The following PTPRK variants were observed in gnomAD, a reference collection of about 807,000 sequenced individuals.
PTPRK encodes receptor-type tyrosine-protein phosphatase kappa.
A neutral mutation model predicts 178.0 loss-of-function variants in PTPRK; 75 were observed. That is an observed-to-expected ratio of 0.42 (90% CI 0.35 to 0.51). The LOEUF is 0.51. PTPRK is among the 20% of genes least tolerant of loss of function. PTPRK has a pLI of 0.02. For missense variants in PTPRK, 1,441 were observed against 1,797.8 expected (o/e 0.80, Z 3.59); for synonymous variants, 637 against 620.6 (o/e 1.03, Z -0.39).
Position 128,520,452 on chromosome 6 carries a change from G to T in PTPRK, c.-94C>A. 8.1e-7 allele frequency: 1 copy of T among 1,237,016 alleles called. No individual in the cohort carries two copies. The highest frequency in any genetic ancestry group is 1.2e-6 in the Non-Finnish European group (1 of 867,184). The allele number at this position is 1,237,016 out of a possible 1,614,324, so 76.6% of individuals were successfully genotyped here. ...ACGGAGGAGCGGGCCGGGCCTCGCG[G>T]GGTGAGGACGGTGAGAGGACAGCCG... On this transcript the variant is annotated 5_prime_UTR_variant, in exon 1 of 30. Transcript: ENST00000368226.
chr6:128,463,739 CGG>C (rs918256945), intron 1 of PTPRK, among the ~76,000 whole-genome samples: 1 of 137,580 alleles, frequency 7.3e-6, no homozygotes, highest in African/African-American at 2.8e-5. Flanking sequence ...TCAATCTTCA[CGG>C]TTTTTTTTTT....
chr6:128,195,075 TA>T (rs1007374258), intron 6 of PTPRK, among the ~76,000 whole-genome samples: 19 of 152,178 alleles, frequency 1.2e-4, no homozygotes, highest in South Asian at 1.2e-3. Context: ...ATATATAGTT[TA>T]AAAAAATTAT....
intron 2 of PTPRK, among the ~76,000 whole-genome samples, chr6:128,364,321 C>T (rs565598314): frequency 2.6e-5 from 4 of 151,956 alleles, no homozygotes; most frequent in African/African-American, 7.2e-5. Flanking sequence ...TAAAAGCAAA[C>T]GGCATTCAAA....
At chr6:128,246,851 A>C (rs775835039) in intron 3 of PTPRK, among the ~76,000 whole-genome samples, 7 of 152,244 alleles carry the variant, frequency 4.6e-5, no homozygotes, top group African/African-American at 7.2e-5. Flanking sequence ...ACTGAAGGTG[A>C]TGATTCTAAT....
intron 7 of PTPRK, among the ~76,000 whole-genome samples, chr6:128,154,311 A>G (rs769765139): frequency 7.2e-5 from 11 of 151,830 alleles, no homozygotes; most frequent in Non-Finnish European, 1.5e-4. Flanking sequence ...TAGCATCAGA[A>G]TGGCAATAGC....
chr6:128,379,618 T>C (rs1837594460), intron 2 of PTPRK, among the ~76,000 whole-genome samples: 1 of 152,234 alleles, frequency 6.6e-6, no homozygotes, highest in Non-Finnish European at 1.5e-5. Context: ...AAGAAGTTCT[T>C]TGGCAGAAAT....
intron 21 of PTPRK, among the ~76,000 whole-genome samples, chr6:127,990,313 C>T (rs1776460072): frequency 6.6e-6 from 1 of 152,118 alleles, no homozygotes; most frequent in Non-Finnish European, 1.5e-5. Context: ...ACTCTCCCCT[C>T]TGTCAGAAAC....
intron 1 of PTPRK, among the ~76,000 whole-genome samples, chr6:128,475,054 G>T (rs571916061): frequency 6.6e-6 from 1 of 152,038 alleles, no homozygotes; most frequent in Non-Finnish European, 1.5e-5. Flanking sequence ...TGCCTTTGTG[G>T]GAAGCTAAGA....
At chr6:128,358,199 T>C (rs1834209910) in intron 2 of PTPRK, among the ~76,000 whole-genome samples, 1 of 152,222 alleles carries the variant, frequency 6.6e-6, no homozygotes. Context: ...CCAATTCCAT[T>C]TGACTTATAA....
Position 128,519,262 on chromosome 6 carries a change from G to A in PTPRK, c.100+997C>T, listed in dbSNP as rs1858598774. On this transcript the variant is annotated intron_variant, in intron 1 of 29. Coordinates refer to ENST00000368226, the MANE Select transcript of PTPRK (RefSeq NM_002844.4). The surrounding 1 kb of genome is among the most constrained non-coding windows in gnomAD (Gnocchi z 4.3). ...GCCCCCAGAGGAGAGAACGAAAGAA[G>A]CAACCAACCTACACGAAGGATAACA... is the stretch of plus-strand genomic sequence containing the variant. 5.3e-6 allele frequency: 2 copies of A among 378,450 alleles called. No individual in the cohort carries two copies. The highest frequency in any genetic ancestry group is 1.0e-5 in the Non-Finnish European group (2 of 193,040). 23.4% of individuals were successfully genotyped at this position (378,450 alleles called of 1,614,324 possible).
chr6:128,164,622 T>C (rs1562706648), intron 7 of PTPRK, among the ~76,000 whole-genome samples: 2 of 151,300 alleles, frequency 1.3e-5, no homozygotes, highest in Non-Finnish European at 3.0e-5. Context: ...AAATCTTAAA[T>C]TAATTTCTCC....
intron 3 of PTPRK, among the ~76,000 whole-genome samples, chr6:128,307,035 T>C (rs1185181541): frequency 6.6e-6 from 1 of 151,720 alleles, no homozygotes; most frequent in African/African-American, 2.4e-5. Flanking sequence ...GCCAGTTAGA[T>C]GTAGGGGGAG....
At chr6:128,384,331 C>G (rs947533567) in intron 2 of PTPRK, among the ~76,000 whole-genome samples, 3 of 151,984 alleles carry the variant, frequency 2.0e-5, no homozygotes. Context: ...TATTTCTCAA[C>G]ATATAACTTA....
intron 5 of PTPRK, among the ~76,000 whole-genome samples, chr6:128,228,734 T>C (rs1368069279): frequency 6.6e-6 from 1 of 150,746 alleles, no homozygotes; most frequent in African/African-American, 2.4e-5. Flanking sequence ...ATAAACTACA[T>C]AATGAAAGAA....
intron 2 of PTPRK, among the ~76,000 whole-genome samples, chr6:128,379,886 T>C (rs896825241): frequency 6.6e-6 from 1 of 152,164 alleles, no homozygotes; most frequent in Non-Finnish European, 1.5e-5. Flanking sequence ...ATCTAATATT[T>C]TGTTGTTTAA....
chr6:128,472,428 C>A (rs1297753162), intron 1 of PTPRK, among the ~76,000 whole-genome samples: 2 of 149,924 alleles, frequency 1.3e-5, no homozygotes, highest in Non-Finnish European at 3.0e-5. Context: ...ACACCCCCCC[C>A]CCCTTTAGCT....
intron 1 of PTPRK, among the ~76,000 whole-genome samples, chr6:128,481,757 C>A (rs1852112976): frequency 6.6e-6 from 1 of 151,928 alleles, no homozygotes; most frequent in African/African-American, 2.4e-5. Flanking sequence ...AGTCTTCATC[C>A]TCTACCAAGA....
At position 128,460,981 on chromosome 6, in the gene PTPRK, C is replaced by G. The variant is rs575141229; in HGVS notation, c.100+59278G>C. On this transcript the variant is annotated intron_variant, in intron 1 of 29. Transcript: ENST00000368226. ...AAAAATAATATTAACCTAAGATATT[C>G]CAGTTTACAGTCATCTTTAAGGAAG... Among the ~76,000 whole-genome samples the G allele has an allele frequency of 1.8e-4, 27 of 151,948 alleles. No homozygotes were observed. In the South Asian group the frequency reaches 5.7e-3, roughly 32 times the overall value.
intron 28 of PTPRK, 59 bp downstream of exon 28, chr6:127,973,605 G>T: frequency 2.5e-6 from 4 of 1,583,984 alleles, no homozygotes; most frequent in Non-Finnish European, 3.4e-6. Context: ...CTTTAACATT[G>T]AAAATGAGAA....
Sources: allele counts gnomAD v4.1 joint callset (sites outside exome capture counted in the v4.1 genomes callset), GRCh38; gene constraint gnomAD v4.1.1; non-coding constraint Gnocchi (gnomAD v3.1); transcripts MANE v1.5; gene names NCBI Gene and HGNC (gene_info 2026-07-23, HGNC 2026-07-21).